Variants in RAI14 observed in about 807,000 individuals in gnomAD.
RAI14 encodes the protein ankycorbin.
A neutral mutation model predicts 115.4 loss-of-function variants in RAI14; 45 were observed. The ratio of observed to expected loss-of-function variants is 0.39; its 90% confidence interval spans 0.31 to 0.50. The LOEUF (loss-of-function observed/expected upper bound fraction) is 0.50, where lower values mean the gene tolerates loss of function less well. Among genes scored for constraint, RAI14 ranks in the 20% least tolerant of loss-of-function variants. RAI14 has a pLI of 0.85. For missense variants in RAI14, 939 were observed against 1,131.2 expected (o/e 0.83, Z 2.44); for synonymous variants, 371 against 415.4 (o/e 0.89, Z 1.30).
At chr5:34,771,358 A>G (rs1015394264) in intron 3 of RAI14, among the ~76,000 whole-genome samples, 3 of 152,210 alleles carry the variant, frequency 2.0e-5, no homozygotes, top group Non-Finnish European at 4.4e-5. Flanking sequence ...GAAGGAACTG[A>G]TCATGGTAAC....
intron 7 of RAI14, among the ~76,000 whole-genome samples, chr5:34,809,691 T>C (rs547137832): frequency 2.0e-5 from 3 of 152,172 alleles, no homozygotes; most frequent in East Asian, 1.9e-4. Context: ...ATATTTCCTA[T>C]ATAGGTATAT....
intron 2 of RAI14, among the ~76,000 whole-genome samples, chr5:34,733,512 G>A (rs1469841726): frequency 4.6e-5 from 7 of 152,126 alleles, no homozygotes; most frequent in African/African-American, 7.2e-5. Flanking sequence ...CCATCACAAT[G>A]TTCAACCTCC....
At chr5:34,756,558 C>T (rs1253258848) in intron 2 of RAI14, among the ~76,000 whole-genome samples, 2 of 152,182 alleles carry the variant, frequency 1.3e-5, no homozygotes, top group Admixed American at 6.5e-5. Flanking sequence ...ATATGCTCAA[C>T]ATCTTTCCTT....
chr5:34,762,359 G>A lies in RAI14; in HGVS notation c.167+4761G>A, dbSNP rs945934459. On this transcript the variant is annotated intron_variant, in intron 3 of 17. Coordinates refer to ENST00000265109, the MANE Select transcript of RAI14 (RefSeq NM_015577.3). ...AAGTCCCAACAATGTGGCAACAAAG[G>A]CAGCCATCTCCACAGACGTTCTCCA... 7.2e-5 allele frequency among the ~76,000 whole-genome samples: 11 copies of A among 152,082 alleles called. No individual in the cohort carries two copies. The East Asian group carries it at 2.1e-3, about 29-fold the overall frequency.
chr5:34,778,849 C>T (rs1007480510), intron 3 of RAI14, among the ~76,000 whole-genome samples: 12 of 151,640 alleles, frequency 7.9e-5, no homozygotes, highest in African/African-American at 1.7e-4. Flanking sequence ...AAAGCCCACA[C>T]TTCTTAATCC....
chr5:34,805,431 T>C (rs994963693), intron 5 of RAI14, among the ~76,000 whole-genome samples: 1 of 152,202 alleles, frequency 6.6e-6, no homozygotes, highest in Non-Finnish European at 1.5e-5. Context: ...CTCTCCAGGC[T>C]TTTGCTCTTA....
rs370599165 is a variant in RAI14 at position 34,674,586 on chromosome 5, G to GT, written c.-48-12270dup. On this transcript the variant is annotated intron_variant, in intron 1 of 17. Coordinates refer to ENST00000265109, the MANE Select transcript of RAI14 (RefSeq NM_015577.3). ...TTTTGCTTTTTGAATCGGATCTTTT[G>GT]TTTTTTTTTTTTTTTTGAGGCAGAA... Among the ~76,000 whole-genome samples, 1,163 of 132,374 alleles carry GT rather than the reference G, an allele frequency of 8.8e-3. 12 individuals carry two copies. Among genetic ancestry groups the GT allele is most frequent in the African/African-American group, 0.015 (547 of 35,464 alleles). 86.8% of individuals were successfully genotyped at this position (132,374 alleles called of 152,430 possible). A position where few individuals can be genotyped will look rare whatever the true frequency, so the allele number is the denominator to read the frequency against.
In RAI14 at chr5:34,751,656, T is replaced by C. The variant is rs142660166; in HGVS notation, c.37-5812T>C. 5.6e-3 allele frequency among the ~76,000 whole-genome samples: 856 copies of C among 152,340 alleles called. 10 individuals are homozygous for C. Among genetic ancestry groups the C allele is most frequent in the African/African-American group, 0.019 (793 of 41,564 alleles). ...TGTGTTATTCTGTTGCTTGACGACG[T>C]GATAATTTATCCGTCGTTTGTTATT... On this transcript the variant is annotated intron_variant, in intron 2 of 17. Coordinates refer to ENST00000265109, the MANE Select transcript of RAI14 (RefSeq NM_015577.3).
chr5:34,694,363 T>G (rs940609534), intron 2 of RAI14, among the ~76,000 whole-genome samples: 5 of 152,162 alleles, frequency 3.3e-5, no homozygotes, highest in African/African-American at 9.7e-5. Context: ...TTAAAGATCT[T>G]TGCTGTGTGG....
At chr5:34,798,382 A>C (rs1753803215) in intron 4 of RAI14, among the ~76,000 whole-genome samples, 1 of 151,786 alleles carries the variant, frequency 6.6e-6, no homozygotes, top group African/African-American at 2.4e-5. Context: ...TATTGTAGAA[A>C]AGTTGAGAAA....
intron 2 of RAI14, among the ~76,000 whole-genome samples, chr5:34,714,224 AT>A (rs1302465029): frequency 6.6e-6 from 1 of 151,904 alleles, no homozygotes; most frequent in African/African-American, 2.4e-5. Flanking sequence ...CATATTTCTA[AT>A]TTTTTTCTGT....
intron 5 of RAI14, among the ~76,000 whole-genome samples, chr5:34,807,044 T>C (rs934408931): frequency 6.6e-6 from 1 of 152,190 alleles, no homozygotes; most frequent in Non-Finnish European, 1.5e-5. Context: ...GCCTGGCACG[T>C]GAGAGCTAAT....
chr5:34,764,938 T>C (rs2150114743), intron 3 of RAI14, among the ~76,000 whole-genome samples: 1 of 152,284 alleles, frequency 6.6e-6, no homozygotes, highest in Admixed American at 6.5e-5. Flanking sequence ...TGGTGGGAGA[T>C]AAGTTGAATC....
intron 3 of RAI14, among the ~76,000 whole-genome samples, chr5:34,758,980 G>A (rs7716418): frequency 0.027 from 4,117 of 152,220 alleles, 86 homozygotes; most frequent in African/African-American, 0.055. Flanking sequence ...GTTGAGTGCC[G>A]ACTGGGTACA....
At chr5:34,714,155 G>A (rs1741737238) in intron 2 of RAI14, among the ~76,000 whole-genome samples, 10 of 152,182 alleles carry the variant, frequency 6.6e-5, no homozygotes, top group Admixed American at 6.5e-4. Context: ...TCTACATGAA[G>A]AATGAGTTTA....
intron 2 of RAI14, chr5:34,688,396 G>C: frequency 1.4e-6 from 1 of 728,024 alleles, no homozygotes; most frequent in Non-Finnish European, 2.2e-6. Context: ...AATTTCATCA[G>C]TCTAGACTTC....
At position 34,665,111 on chromosome 5, in the gene RAI14, ATATGTG is replaced by A. The variant is rs1743042880; in HGVS notation, c.-49+8640_-49+8645del. Among the ~76,000 whole-genome samples, 23 of 25,898 alleles carry A rather than the reference ATATGTG, an allele frequency of 8.9e-4. 8 individuals are homozygous for A. Among genetic ancestry groups the A allele is most frequent in the African/African-American group, 2.7e-3 (23 of 8,512 alleles). The allele number at this position is 25,898 out of a possible 152,430, so 17.0% of individuals were successfully genotyped here. A position where few individuals can be genotyped will look rare whatever the true frequency, so the allele number is the denominator to read the frequency against. On this transcript the variant is annotated intron_variant, in intron 1 of 17. Transcript: ENST00000265109. ...TATATGTGTATATATATGTGTATATATATGTGTATATATGTATGTGTATATATATAC... is the reference window on the plus strand; with the variant it reads ...TATATGTGTATATATATGTGTATATATATATATGTATGTGTATATATATAC...
intron 3 of RAI14, among the ~76,000 whole-genome samples, chr5:34,778,399 C>T (rs1019387477): frequency 6.6e-6 from 1 of 152,144 alleles, no homozygotes; most frequent in Admixed American, 6.5e-5. Flanking sequence ...ACATCAGAAT[C>T]TGGATAGTAC....
At chr5:34,712,618 C>G (rs534667913) in intron 2 of RAI14, among the ~76,000 whole-genome samples, 7 of 152,188 alleles carry the variant, frequency 4.6e-5, no homozygotes, top group Admixed American at 2.0e-4. Context: ...GATAAAATGC[C>G]TTATGTATGT....
Sources: allele counts gnomAD v4.1 joint callset (sites outside exome capture counted in the v4.1 genomes callset), GRCh38; gene constraint gnomAD v4.1.1; transcripts MANE v1.5; gene names NCBI Gene and HGNC (gene_info 2026-07-23, HGNC 2026-07-21).